KCNMB2: variants seen among roughly 807,000 people sequenced by gnomAD.
KCNMB2 encodes the protein calcium-activated potassium channel subunit beta-2.
KCNMB2 carries 9 observed loss-of-function variants against 24.5 expected under a neutral mutation model. The observed-to-expected ratio is 0.37, with a 90% CI of 0.22 to 0.64. KCNMB2 has a LOEUF of 0.64. KCNMB2 is among the 30% of genes least tolerant of loss of function. The pLI is 0.63. For synonymous variants in KCNMB2, 109 were observed against 104.4 expected, an observed-to-expected ratio of 1.04 and a Z score of -0.27; for missense variants, 226 against 284.3, an observed-to-expected ratio of 0.79 and a Z score of 1.47.
At chr3:178,598,357 T>C (rs904683540) in intron 1 of KCNMB2, among the ~76,000 whole-genome samples, 1 of 152,030 alleles carries the variant, frequency 6.6e-6, no homozygotes, top group Non-Finnish European at 1.5e-5. Context: ...CGAATTGTTA[T>C]ATAGAGATAG....
intron 1 of KCNMB2, among the ~76,000 whole-genome samples, chr3:178,796,340 C>T (rs1174859577): frequency 6.6e-6 from 1 of 152,176 alleles, no homozygotes; most frequent in African/African-American, 2.4e-5. Flanking sequence ...CAGTATTGGA[C>T]AGATTATCCA....
intron 1 of KCNMB2, among the ~76,000 whole-genome samples, chr3:178,691,887 AT>A (rs36044256): frequency 0.32 from 47,908 of 151,680 alleles, 8,048 homozygotes; most frequent in African/African-American, 0.43. Context: ...TAAATATTCC[AT>A]TTTTTTTCAC....
intron 1 of KCNMB2, among the ~76,000 whole-genome samples, chr3:178,720,825 G>A (rs1722779123): frequency 2.0e-5 from 3 of 149,942 alleles, no homozygotes; most frequent in African/African-American, 7.4e-5. Context: ...TTTTGATGGG[G>A]TTGTTTGTTT....
At chr3:178,632,926 A>G (rs1424484085) in intron 1 of KCNMB2, among the ~76,000 whole-genome samples, 3 of 152,214 alleles carry the variant, frequency 2.0e-5, no homozygotes, top group African/African-American at 7.2e-5. Flanking sequence ...TCCAAATAGA[A>G]GAAATTGTTC....
At chr3:178,755,641 A>T (rs1724005017) in intron 1 of KCNMB2, among the ~76,000 whole-genome samples, 1 of 152,182 alleles carries the variant, frequency 6.6e-6, no homozygotes, top group South Asian at 2.1e-4. Context: ...TGGATGGCAA[A>T]TTTTTGACAT....
At chr3:178,619,490 T>G (rs535509489) in intron 1 of KCNMB2, among the ~76,000 whole-genome samples, 1 of 152,308 alleles carries the variant, frequency 6.6e-6, no homozygotes, top group East Asian at 1.9e-4. Context: ...AAAATGCTCT[T>G]GGACTTGCAA....
At chr3:178,560,503 A>G (rs969640452) in intron 1 of KCNMB2, among the ~76,000 whole-genome samples, 2 of 152,240 alleles carry the variant, frequency 1.3e-5, no homozygotes, top group Non-Finnish European at 2.9e-5. Context: ...CAAGCTTGAG[A>G]TTACTGCATG....
At chr3:178,627,420 A>G (rs1215426126) in intron 1 of KCNMB2, among the ~76,000 whole-genome samples, 1 of 152,218 alleles carries the variant, frequency 6.6e-6, no homozygotes, top group Non-Finnish European at 1.5e-5. Flanking sequence ...TACAGTCCAG[A>G]GCCTCATTAT....
At chr3:178,669,015 CT>C (rs1388213673) in intron 1 of KCNMB2, among the ~76,000 whole-genome samples, 1 of 152,198 alleles carries the variant, frequency 6.6e-6, no homozygotes, top group African/African-American at 2.4e-5. Context: ...TTTTCCCTGT[CT>C]TCTGCTTCTT....
At chr3:178,674,008 T>A (rs1720989951) in intron 1 of KCNMB2, among the ~76,000 whole-genome samples, 1 of 152,164 alleles carries the variant, frequency 6.6e-6, no homozygotes, top group Non-Finnish European at 1.5e-5. Flanking sequence ...AAATATCAAT[T>A]CCTAGGCCTC....
chr3:178,807,579 C>T, intron 2 of KCNMB2, 114 bp downstream of exon 2: 1 of 834,158 alleles, frequency 1.2e-6, no homozygotes, highest in East Asian at 2.4e-5. Context: ...AATGTGGGGA[C>T]AGACTCTACA....
chr3:178,689,943 G>A (rs1053531436), intron 1 of KCNMB2, among the ~76,000 whole-genome samples: 2 of 151,692 alleles, frequency 1.3e-5, no homozygotes, highest in Non-Finnish European at 3.0e-5. Context: ...AAAGGAGAGA[G>A]ACCTTAAAGT....
At chr3:178,690,182 T>C (rs987733744) in intron 1 of KCNMB2, among the ~76,000 whole-genome samples, 15 of 152,202 alleles carry the variant, frequency 9.9e-5, no homozygotes, top group African/African-American at 3.6e-4. Context: ...AATCTTATCA[T>C]TGTATGTATC....
intron 1 of KCNMB2, among the ~76,000 whole-genome samples, chr3:178,613,993 T>C (rs559305553): frequency 2.2e-4 from 34 of 151,364 alleles, no homozygotes; most frequent in Non-Finnish European, 4.3e-4. Context: ...TTCATTTCTA[T>C]GTTTTTCTTT....
chr3:178,639,527 A>C (rs931389443), intron 1 of KCNMB2, among the ~76,000 whole-genome samples: 8 of 152,358 alleles, frequency 5.3e-5, no homozygotes, highest in Middle Eastern at 3.4e-3. Context: ...CAAGATGGTT[A>C]AATAATACTT....
intron 1 of KCNMB2, among the ~76,000 whole-genome samples, chr3:178,783,425 C>T (rs1326714639): frequency 1.1e-4 from 17 of 151,338 alleles, no homozygotes; most frequent in Non-Finnish European, 4.4e-5. Flanking sequence ...TACCCAGGAG[C>T]ATGGAATGTT....
At chr3:178,803,815 C>A (rs1174494124) in intron 1 of KCNMB2, among the ~76,000 whole-genome samples, 1 of 152,086 alleles carries the variant, frequency 6.6e-6, no homozygotes, top group Admixed American at 6.6e-5. Flanking sequence ...GAAGGAATGG[C>A]CGAACTGAAT....
chr3:178,761,354 T>C (rs1047708473), intron 1 of KCNMB2, among the ~76,000 whole-genome samples: 3 of 152,236 alleles, frequency 2.0e-5, no homozygotes, highest in Non-Finnish European at 2.9e-5. Context: ...TATTATTTTC[T>C]AAAGCACAGA....
intron 1 of KCNMB2, among the ~76,000 whole-genome samples, chr3:178,547,881 T>C (rs1243201507): frequency 2.0e-5 from 3 of 152,232 alleles, no homozygotes; most frequent in Non-Finnish European, 4.4e-5. Flanking sequence ...TTGGCAAAAT[T>C]AAACTCTTAT....
Sources: gnomAD v4.1 joint callset for allele counts (sites outside exome capture counted in the v4.1 genomes callset) on GRCh38, gnomAD v4.1.1 for gene constraint, MANE v1.5 for transcripts, NCBI Gene and HGNC (gene_info 2026-07-23, HGNC 2026-07-21) for gene names.